Variants in GALNT10 observed in about 807,000 individuals in gnomAD.
GALNT10 encodes the protein polypeptide N-acetylgalactosaminyltransferase 10, also known as GalNAc transferase 10.
GALNT10 carries 41 observed loss-of-function variants against 75.0 expected under a neutral mutation model. The ratio of observed to expected loss-of-function variants is 0.55; its 90% CI spans 0.43 to 0.71. GALNT10 has a LOEUF of 0.71. Ranked by LOEUF, GALNT10 falls within the 30% of genes least tolerant of loss-of-function variation. The probability of loss-of-function intolerance (pLI) is 0.00; values close to 1 mark genes in which losing one functional copy is unlikely to be tolerated. For missense variants in GALNT10, 727 were observed against 818.5 expected, an observed-to-expected ratio of 0.89 and a Z score of 1.36; for synonymous variants, 302 against 313.0, an observed-to-expected ratio of 0.96 and a Z score of 0.37.
At chr5:154,193,151 G>A (rs558183172) in intron 1 of GALNT10, among the ~76,000 whole-genome samples, 12 of 149,842 alleles carry the variant, frequency 8.0e-5, no homozygotes, top group Admixed American at 5.3e-4. Flanking sequence ...GGTGAAGGGG[G>A]TTTGGGGGTT....
At chr5:154,388,704 T>A (rs1284331686) in intron 7 of GALNT10, 1 of 124,966 alleles carries the variant, frequency 8.0e-6, no homozygotes, top group African/African-American at 3.0e-5. Context: ...TTTTTTTTTT[T>A]GCCTCTTCTG....
intron 1 of GALNT10, among the ~76,000 whole-genome samples, chr5:154,200,230 T>C (rs1561626252): frequency 6.6e-6 from 1 of 152,198 alleles, no homozygotes; most frequent in Non-Finnish European, 1.5e-5. Context: ...GCAGGGATTA[T>C]AGCAAGTCCC....
chr5:154,405,536 A>T (rs4958374), intron 8 of GALNT10, among the ~76,000 whole-genome samples: 97,541 of 151,626 alleles, frequency 0.64, 31,748 homozygotes, highest in East Asian at 0.76. Context: ...CTGAGGAGGG[A>T]GCCAGGCAGG....
intron 3 of GALNT10, among the ~76,000 whole-genome samples, chr5:154,304,386 G>A (rs897830472): frequency 6.6e-6 from 1 of 152,116 alleles, no homozygotes; most frequent in Non-Finnish European, 1.5e-5. Context: ...GAGAAATAAA[G>A]CATGTTATAT....
At chr5:154,382,656 C>T (rs1263617987) in intron 6 of GALNT10, among the ~76,000 whole-genome samples, 2 of 152,192 alleles carry the variant, frequency 1.3e-5, no homozygotes, top group Non-Finnish European at 2.9e-5. Flanking sequence ...TCCTAGTTGA[C>T]ATGACTGCAG....
At chr5:154,406,482 C>G (rs1023686954) in intron 8 of GALNT10, among the ~76,000 whole-genome samples, 7 of 152,160 alleles carry the variant, frequency 4.6e-5, no homozygotes, top group African/African-American at 1.7e-4. Flanking sequence ...CCCTCAATTA[C>G]TTGCAGACCA....
At chr5:154,341,198 C>A (rs772509617) in intron 4 of GALNT10, among the ~76,000 whole-genome samples, 3 of 152,160 alleles carry the variant, frequency 2.0e-5, no homozygotes, top group Non-Finnish European at 4.4e-5. Context: ...CCTTTTCCAG[C>A]CTTTGGGGAT....
chr5:154,309,707 C>T (rs1228428913), intron 3 of GALNT10, among the ~76,000 whole-genome samples: 1 of 152,090 alleles, frequency 6.6e-6, no homozygotes, highest in Non-Finnish European at 1.5e-5. Context: ...GATGGAGTTG[C>T]CATCTGCAGG....
In GALNT10 at chr5:154,349,178, C is replaced by G. The variant is rs924588622; in HGVS notation, c.568+19440C>G. 2.0e-5 allele frequency among the ~76,000 whole-genome samples: 3 copies of G among 151,672 alleles called. No individual in the cohort carries two copies. The South Asian group carries it at 6.3e-4, about 32-fold the overall frequency. ...TGTCATTGCCTAGTAAAGGAGGTTC[C>G]TTGGGCTAAGGGAACAGCATAAGCA... On this transcript the variant is annotated intron_variant, in intron 4 of 11. Coordinates refer to ENST00000297107, the MANE Select transcript of GALNT10 (RefSeq NM_198321.4).
chr5:154,374,386 C>T (rs557036765), intron 4 of GALNT10, among the ~76,000 whole-genome samples: 3 of 152,328 alleles, frequency 2.0e-5, no homozygotes, highest in South Asian at 2.1e-4. Flanking sequence ...CAACATAACA[C>T]GAAACACACT....
intron 1 of GALNT10, among the ~76,000 whole-genome samples, chr5:154,260,618 A>T (rs1477957749): frequency 1.3e-5 from 2 of 152,208 alleles, no homozygotes; most frequent in East Asian, 3.9e-4. Flanking sequence ...GAAAATATTC[A>T]AAACCACTCT....
chr5:154,355,522 T>G (rs1342440753), intron 4 of GALNT10, among the ~76,000 whole-genome samples: 1 of 152,172 alleles, frequency 6.6e-6, no homozygotes, highest in Non-Finnish European at 1.5e-5. Flanking sequence ...CAGGGCCAGG[T>G]CCAGCGGGAG....
chr5:154,314,363 C>G (rs903795855), intron 3 of GALNT10, among the ~76,000 whole-genome samples: 1 of 152,028 alleles, frequency 6.6e-6, no homozygotes, highest in Non-Finnish European at 1.5e-5. Flanking sequence ...GAATTCTTAC[C>G]CTTGGACCAA....
intron 4 of GALNT10, among the ~76,000 whole-genome samples, chr5:154,337,130 A>T (rs1481455421): frequency 3.9e-5 from 6 of 152,166 alleles, no homozygotes; most frequent in Non-Finnish European, 5.9e-5. Flanking sequence ...CTATTTTTTT[A>T]AAAGACACAT....
At chr5:154,350,310 G>T (rs1254881017) in intron 4 of GALNT10, among the ~76,000 whole-genome samples, 1 of 152,184 alleles carries the variant, frequency 6.6e-6, no homozygotes, top group Admixed American at 6.6e-5. Flanking sequence ...CATGGTGCAG[G>T]ATCCTGGGTC....
intron 1 of GALNT10, among the ~76,000 whole-genome samples, chr5:154,266,909 G>A (rs1753783446): frequency 6.6e-6 from 1 of 152,086 alleles, no homozygotes; most frequent in South Asian, 2.1e-4. Context: ...TCCTTCTGGA[G>A]AACTTTGCTC....
chr5:154,266,117 ATAG>A (rs753764090), intron 1 of GALNT10, among the ~76,000 whole-genome samples: 1 of 152,240 alleles, frequency 6.6e-6, no homozygotes, highest in South Asian at 2.1e-4. Context: ...AAACAATTTA[ATAG>A]TAGGAAACTG....
intron 4 of GALNT10, among the ~76,000 whole-genome samples, chr5:154,357,206 A>G (rs1003355374): frequency 1.3e-5 from 2 of 152,202 alleles, no homozygotes; most frequent in Non-Finnish European, 2.9e-5. Flanking sequence ...CTACCGGGAA[A>G]CAACAGCCTG....
At chr5:154,231,794 A>T (rs777993008) in intron 1 of GALNT10, among the ~76,000 whole-genome samples, 3 of 152,198 alleles carry the variant, frequency 2.0e-5, no homozygotes, top group Admixed American at 6.5e-5. Flanking sequence ...CTCTACCTCT[A>T]TGTGCCTTTG....
Sources: gnomAD v4.1 joint callset for allele counts (sites outside exome capture counted in the v4.1 genomes callset) on GRCh38, gnomAD v4.1.1 for gene constraint, MANE v1.5 for transcripts, NCBI Gene and HGNC (gene_info 2026-07-23, HGNC 2026-07-21) for gene names.